PDGFD: variants seen among roughly 807,000 people sequenced by gnomAD.
PDGFD encodes platelet derived growth factor D.
In PDGFD, 30 loss-of-function variants were observed where a neutral mutation model predicts 44.7. The observed-to-expected ratio is 0.67, with a 90% confidence interval of 0.50 to 0.91. PDGFD has a LOEUF of 0.91. Ranked by LOEUF, PDGFD falls within the 40% of genes least tolerant of loss-of-function variation. The pLI, the probability that PDGFD is intolerant of heterozygous loss-of-function variation, is 0.00. For synonymous variants in PDGFD, 173 were observed against 168.4 expected (o/e 1.03, Z -0.21); for missense variants, 445 against 457.8 (o/e 0.97, Z 0.25).
chr11:104,075,896 T>A (rs1206055387), intron 1 of PDGFD, among the ~76,000 whole-genome samples: 1 of 152,184 alleles, frequency 6.6e-6, no homozygotes. Flanking sequence ...GAACTTCCTC[T>A]TATTAGCTCT....
At chr11:104,148,971 A>G (rs1862206021) in intron 1 of PDGFD, among the ~76,000 whole-genome samples, 1 of 152,142 alleles carries the variant, frequency 6.6e-6, no homozygotes, top group African/African-American at 2.4e-5. Flanking sequence ...GTACCAAAAT[A>G]ACTTCATGTA....
chr11:103,944,995 CT>C (rs1858648191), intron 4 of PDGFD, among the ~76,000 whole-genome samples: 1 of 151,936 alleles, frequency 6.6e-6, no homozygotes, highest in South Asian at 2.1e-4. Context: ...TTCAGTCATC[CT>C]TGTTAAAATA....
intron 1 of PDGFD, among the ~76,000 whole-genome samples, chr11:104,093,564 T>A (rs1861241380): frequency 6.6e-6 from 1 of 152,114 alleles, no homozygotes; most frequent in Non-Finnish European, 1.5e-5. Flanking sequence ...AGTTCTCAAA[T>A]GTGTACACTT....
intron 5 of PDGFD, among the ~76,000 whole-genome samples, chr11:103,936,444 C>A (rs1235427678): frequency 1.3e-5 from 2 of 152,128 alleles, no homozygotes; most frequent in Admixed American, 6.5e-5. Context: ...CATGCAGTGG[C>A]ATGACAAAGA....
chr11:104,093,888 A>T (rs1283499837), intron 1 of PDGFD, among the ~76,000 whole-genome samples: 7 of 149,200 alleles, frequency 4.7e-5, no homozygotes, highest in South Asian at 2.2e-4. Flanking sequence ...CCAATCATTA[A>T]AAAAAATTCC....
chr11:104,019,800 G>A (rs1249817580), intron 1 of PDGFD, among the ~76,000 whole-genome samples: 1 of 151,634 alleles, frequency 6.6e-6, no homozygotes, highest in African/African-American at 2.4e-5. Flanking sequence ...ATTATAGAAG[G>A]GCTGACATAA....
At chr11:104,094,689 T>A (rs1388816104) in intron 1 of PDGFD, among the ~76,000 whole-genome samples, 2 of 152,106 alleles carry the variant, frequency 1.3e-5, no homozygotes, top group Non-Finnish European at 2.9e-5. Context: ...CATAGTCAGT[T>A]TTTTCTCCAA....
chr11:104,133,088 A>G (rs12224814), intron 1 of PDGFD, among the ~76,000 whole-genome samples: 19,814 of 152,030 alleles, frequency 0.13, 1,428 homozygotes, highest in East Asian at 0.29. Flanking sequence ...CTTCTGTTAC[A>G]CCTCATAGGC....
chr11:103,997,492 A>G (rs1206048318), intron 2 of PDGFD, among the ~76,000 whole-genome samples: 2 of 152,202 alleles, frequency 1.3e-5, no homozygotes, highest in Admixed American at 6.5e-5. Context: ...CCGTTGCCTC[A>G]GTTTCCTTAT....
At chr11:104,097,744 T>C (rs1861307224) in intron 1 of PDGFD, among the ~76,000 whole-genome samples, 1 of 152,204 alleles carries the variant, frequency 6.6e-6, no homozygotes, top group African/African-American at 2.4e-5. Flanking sequence ...ATCCTCCTTT[T>C]ACATATGAAG....
At chr11:104,143,062 C>A (rs1862107446) in intron 1 of PDGFD, among the ~76,000 whole-genome samples, 1 of 152,120 alleles carries the variant, frequency 6.6e-6, no homozygotes, top group South Asian at 2.1e-4. Context: ...TGCAGGTTTT[C>A]CTTACAGTGT....
chr11:104,066,293 A>G (rs964398433), intron 1 of PDGFD, among the ~76,000 whole-genome samples: 1 of 152,214 alleles, frequency 6.6e-6, no homozygotes, highest in Admixed American at 6.5e-5. Flanking sequence ...TTTTAAAAAT[A>G]CTGAAAAATC....
At chr11:104,160,830 A>G (rs1305444201) in intron 1 of PDGFD, among the ~76,000 whole-genome samples, 1 of 152,204 alleles carries the variant, frequency 6.6e-6, no homozygotes, top group African/African-American at 2.4e-5. Flanking sequence ...CCGGAAGGCC[A>G]GGACACAGCA....
chr11:104,018,629 T>C (rs1192138751), intron 1 of PDGFD, among the ~76,000 whole-genome samples: 2 of 152,158 alleles, frequency 1.3e-5, no homozygotes, highest in East Asian at 3.8e-4. Flanking sequence ...ATCCAGGTGG[T>C]CCCCAGATGG....
At chr11:104,045,388 C>A (rs940982461) in intron 1 of PDGFD, among the ~76,000 whole-genome samples, 3 of 151,992 alleles carry the variant, frequency 2.0e-5, no homozygotes, top group African/African-American at 7.2e-5. Flanking sequence ...AATAATCCTA[C>A]AAATTTTTTC....
At chr11:103,973,486 T>C (rs1189023550) in intron 3 of PDGFD, among the ~76,000 whole-genome samples, 3 of 152,086 alleles carry the variant, frequency 2.0e-5, no homozygotes, top group Non-Finnish European at 2.9e-5. Flanking sequence ...TAAGAGGTAA[T>C]GCTTGGAGTT....
chr11:104,151,279 T>C (rs918393597), intron 1 of PDGFD, among the ~76,000 whole-genome samples: 1 of 152,184 alleles, frequency 6.6e-6, no homozygotes, highest in African/African-American at 2.4e-5. Context: ...TTATTTTCAA[T>C]CAATCAATAT....
chr11:104,147,378 A>G (rs896179934), intron 1 of PDGFD, among the ~76,000 whole-genome samples: 21 of 152,178 alleles, frequency 1.4e-4, no homozygotes, highest in Admixed American at 2.6e-4. Context: ...AAAGTCAGGT[A>G]AGGAAACATA....
intron 3 of PDGFD, among the ~76,000 whole-genome samples, chr11:103,970,146 C>T (rs1440614482): frequency 3.3e-5 from 5 of 152,042 alleles, no homozygotes; most frequent in Admixed American, 3.3e-4. Flanking sequence ...TTTAGACATC[C>T]TTTCTATGGA....
Sources: allele counts gnomAD v4.1 joint callset (sites outside exome capture counted in the v4.1 genomes callset), GRCh38; gene constraint gnomAD v4.1.1; transcripts MANE v1.5; gene names NCBI Gene and HGNC (gene_info 2026-07-23, HGNC 2026-07-21).